CD6: variants seen among roughly 807,000 people sequenced by gnomAD.
CD6 encodes the protein CD6 molecule.
Under a neutral mutation model 75.3 loss-of-function variants are expected in CD6, and 53 were observed. That is an observed-to-expected ratio of 0.70 (90% CI 0.56 to 0.88). The LOEUF (loss-of-function observed/expected upper bound fraction) is 0.88. Ranked by LOEUF, CD6 falls within the 40% of genes least tolerant of loss-of-function variation. The pLI, the probability that CD6 is intolerant of heterozygous loss-of-function variation, is 0.00. For synonymous variants in CD6, 359 were observed against 381.5 expected, an observed-to-expected ratio of 0.94 and a Z score of 0.69; for missense variants, 770 against 897.1, an observed-to-expected ratio of 0.86 and a Z score of 1.81.
rs1554993198 is a variant in CD6 at position 60,994,465 on chromosome 11, A to AAAAAAAAAAAAAAAAC, written c.50-12103_50-12102insAAAAAAAAACAAAAAA. 2.2e-4 allele frequency among the ~76,000 whole-genome samples: 31 copies of AAAAAAAAAAAAAAAAC among 138,386 alleles called. 4 individuals carry two copies. The highest frequency in any genetic ancestry group is 3.6e-4 in the Non-Finnish European group (22 of 61,970). The allele number at this position is 138,386 out of a possible 152,430, so 90.8% of individuals were successfully genotyped here. A position where few individuals can be genotyped will look rare whatever the true frequency, so the allele number is the denominator to read the frequency against. On this transcript the variant is annotated intron_variant, in intron 1 of 12. Coordinates refer to ENST00000313421, the MANE Select transcript of CD6 (RefSeq NM_006725.5). ...CTCCCCAACACCCCCGCCAAAAAAA[A>AAAAAAAAAAAAAAAAC]AAAAAAGCTGAATTTCTTTGACCTG...
intron 4 of CD6, among the ~76,000 whole-genome samples, chr11:61,009,268 G>A (rs1265508061): frequency 6.6e-6 from 1 of 152,174 alleles, no homozygotes; most frequent in Non-Finnish European, 1.5e-5. Context: ...CAGGAGATGG[G>A]GGAGGTGGGG....
intron 9 of CD6, 55 bp downstream of exon 9, chr11:61,015,890 C>T: frequency 6.2e-7 from 1 of 1,603,602 alleles, no homozygotes; most frequent in Non-Finnish European, 8.5e-7. Flanking sequence ...GGGAGGGGGC[C>T]CCGAGGGGAC....
intron 1 of CD6, among the ~76,000 whole-genome samples, chr11:60,975,781 G>A (rs1251367067): frequency 6.6e-6 from 1 of 152,192 alleles, no homozygotes; most frequent in Non-Finnish European, 1.5e-5. Flanking sequence ...TCCAGTCTGG[G>A]CGATGAAGGA....
intron 8 of CD6, 36 bp downstream of exon 8, chr11:61,014,050 G>A: frequency 6.6e-7 from 1 of 1,515,856 alleles, no homozygotes; most frequent in Non-Finnish European, 9.1e-7. Context: ...GGGAGGGCTG[G>A]GGAGGACAAG....
At chr11:60,995,647 A>AT (rs1858261090) in intron 1 of CD6, among the ~76,000 whole-genome samples, 4 of 152,064 alleles carry the variant, frequency 2.6e-5, no homozygotes, top group Non-Finnish European at 5.9e-5. Flanking sequence ...GGCCCTAGAC[A>AT]GTGCTGGAGT....
At chr11:60,973,723 TG>T (rs1156296869) in intron 1 of CD6, among the ~76,000 whole-genome samples, 3 of 152,152 alleles carry the variant, frequency 2.0e-5, no homozygotes, top group Non-Finnish European at 2.9e-5. Context: ...ATTTTCTTCT[TG>T]ACTTTGCAGA....
At chr11:61,019,098 T>C in intron 12 of CD6, 156 bp from the exon 13 acceptor site, 1 of 604,892 alleles carries the variant, frequency 1.7e-6, no homozygotes. Context: ...GTGCTGATGT[T>C]CTAGTCAGGG....
rs750009088 is a variant in CD6, at chr11:61,007,613, G to C, written c.172G>C (p.Val58Leu). 1.5e-5 allele frequency: 22 copies of C among 1,499,142 alleles called. No individual in the cohort carries two copies. The highest frequency in any genetic ancestry group is 1.8e-5 in the Non-Finnish European group (20 of 1,124,620). The allele number at this position is 1,499,142 out of a possible 1,614,324, so 92.9% of individuals were successfully genotyped here. Residue 58 changes from valine (V) to leucine (L), a missense_variant, in exon 3 of 13, where the codon GTG (valine) becomes CTG (leucine). Transcript: ENST00000313421. The surrounding 1 kb of genome is among the most constrained non-coding windows in gnomAD (Gnocchi z 4.2). ...CGGGAGCAGCAGCTGCAGCGGGACG[G>C]TGGAGGTGCGGCTCGAGGCGTCCTG... ...TNGSSSCSGTVEVRLEASWEP... is the reference protein window; with the variant it reads ...TNGSSSCSGTLEVRLEASWEP...
At chr11:61,018,696 T>C (rs1205344518) in intron 12 of CD6, 1 of 356,868 alleles carries the variant, frequency 2.8e-6, no homozygotes, top group Non-Finnish European at 5.2e-6. Context: ...CACGTGCCTA[T>C]AGTCCCAGCT....
At chr11:61,013,072 T>C (rs999332712) in intron 6 of CD6, among the ~76,000 whole-genome samples, 1 of 152,192 alleles carries the variant, frequency 6.6e-6, no homozygotes, top group Non-Finnish European at 1.5e-5. Context: ...TGTTGTCTTA[T>C]GTGTAGCCCC....
At chr11:61,018,481 A>AAGGGGAAAAGGAGAAAGGG in intron 12 of CD6, 88 bp downstream of exon 12, 2 of 933,466 alleles carry the variant, frequency 2.1e-6, no homozygotes, top group Non-Finnish European at 3.2e-6. Context: ...GCATTCGCTC[A>AAGGGGAAAAGGAGAAAGGG]AGGGGAAAAG....
chr11:60,975,580 C>T (rs762758390), intron 1 of CD6, among the ~76,000 whole-genome samples: 3 of 152,158 alleles, frequency 2.0e-5, no homozygotes, highest in Non-Finnish European at 4.4e-5. Context: ...GCAGGAAGAT[C>T]GCTTGAACCT....
At chr11:61,008,321 C>T (rs941435694) in intron 3 of CD6, 2 of 558,728 alleles carry the variant, frequency 3.6e-6, no homozygotes, top group Non-Finnish European at 6.3e-6. Flanking sequence ...GCCCTCCAGG[C>T]CCCGCCCACC....
intron 4 of CD6, among the ~76,000 whole-genome samples, chr11:61,009,118 G>A (rs1228330735): frequency 1.3e-5 from 2 of 152,194 alleles, no homozygotes; most frequent in African/African-American, 2.4e-5. Context: ...TTAAAAGTGA[G>A]ACTCTTCCCG....
At chr11:61,018,569 C>T in intron 12 of CD6, 176 bp downstream of exon 12, 1 of 594,210 alleles carries the variant, frequency 1.7e-6, no homozygotes, top group Non-Finnish European at 3.0e-6. Context: ...TAGCTCAAGC[C>T]TGTAATCCCA....
At chr11:61,000,719 G>T (rs1190563040) in intron 1 of CD6, among the ~76,000 whole-genome samples, 2 of 152,174 alleles carry the variant, frequency 1.3e-5, no homozygotes, top group Non-Finnish European at 1.5e-5. Context: ...CATCTCAGGA[G>T]CCTGGGTGAC....
rs935916727 is a variant in CD6, at chr11:61,006,733, C to A, written c.118+91C>A. On this transcript the variant is annotated intron_variant, in intron 2 of 12. Transcript: ENST00000313421. ...AGAAGGGAAATGGACATTTAGGATACCAGGGAGGCTCCCTGACTTCAGACA... is the reference window on the plus strand; with the variant it reads ...AGAAGGGAAATGGACATTTAGGATAACAGGGAGGCTCCCTGACTTCAGACA... 8.5e-6 allele frequency: 9 copies of A among 1,052,720 alleles called. No homozygotes were observed. In the African/African-American group the frequency reaches 1.4e-4, roughly 17 times the overall value. 65.2% of individuals were successfully genotyped at this position (1,052,720 alleles called of 1,614,324 possible).
At chr11:60,996,624 C>T (rs1350374123) in intron 1 of CD6, among the ~76,000 whole-genome samples, 1 of 152,228 alleles carries the variant, frequency 6.6e-6, no homozygotes, top group African/African-American at 2.4e-5. Context: ...ACAAGATGCA[C>T]GGTGGTCTGC....
chr11:61,008,386 T>TG, intron 3 of CD6, 148 bp from the exon 4 acceptor site: 1 of 763,384 alleles, frequency 1.3e-6, no homozygotes. Context: ...TCTGCAGTCC[T>TG]GGGGGGATTC....
Sources: allele counts gnomAD v4.1 joint callset (sites outside exome capture counted in the v4.1 genomes callset), GRCh38; gene constraint gnomAD v4.1.1; non-coding constraint Gnocchi (gnomAD v3.1); transcripts MANE v1.5; gene names NCBI Gene and HGNC (gene_info 2026-07-23, HGNC 2026-07-21).